The following GALNT17 variants were observed in gnomAD, a reference collection of about 807,000 sequenced individuals.
GALNT17 encodes the protein UDP-GalNAc:polypeptide N-acetylgalactosaminyltransferase-like 3.
A neutral mutation model predicts 63.7 loss-of-function variants in GALNT17; 29 were observed. The ratio of observed to expected loss-of-function variants is 0.46; its 90% CI spans 0.34 to 0.62. The LOEUF (loss-of-function observed/expected upper bound fraction) is 0.62, where lower values mean the gene tolerates loss of function less well. GALNT17 is among the 20% of genes least tolerant of loss of function. The probability of loss-of-function intolerance (pLI) is 0.01; values close to 1 mark genes in which losing one functional copy is unlikely to be tolerated. For missense variants in GALNT17, 603 were observed against 799.6 expected (o/e 0.75, Z 2.97); for synonymous variants, 305 against 318.3 (o/e 0.96, Z 0.45).
chr7:71,188,497 T>C (rs1788893758), intron 1 of GALNT17, among the ~76,000 whole-genome samples: 1 of 152,248 alleles, frequency 6.6e-6, no homozygotes, highest in South Asian at 2.1e-4. Context: ...CTGAGCATTT[T>C]TTCATATGTC....
At chr7:71,572,660 GATTTA>G (rs1334792671) in intron 6 of GALNT17, among the ~76,000 whole-genome samples, 5 of 152,122 alleles carry the variant, frequency 3.3e-5, no homozygotes, top group South Asian at 2.1e-4. Flanking sequence ...CTGGTGAGAA[GATTTA>G]ATTTAAGATC....
At chr7:71,428,793 G>T (rs1322871894) in intron 5 of GALNT17, among the ~76,000 whole-genome samples, 1 of 152,156 alleles carries the variant, frequency 6.6e-6, no homozygotes, top group South Asian at 2.1e-4. Flanking sequence ...TCCATATCTG[G>T]TTTCTGGGAT....
At chr7:71,272,787 G>A (rs576987128) in intron 1 of GALNT17, among the ~76,000 whole-genome samples, 4 of 152,214 alleles carry the variant, frequency 2.6e-5, no homozygotes, top group Admixed American at 2.6e-4. Context: ...GACATGAGGA[G>A]GCCTGAGATG....
At chr7:71,287,292 G>C (rs562507268) in intron 1 of GALNT17, among the ~76,000 whole-genome samples, 1 of 151,830 alleles carries the variant, frequency 6.6e-6, no homozygotes, top group East Asian at 2.0e-4. Flanking sequence ...GTTTTGCCCT[G>C]TTTTCTGGGC....
At chr7:71,181,807 T>C (rs1010860537) in intron 1 of GALNT17, among the ~76,000 whole-genome samples, 2 of 148,858 alleles carry the variant, frequency 1.3e-5, no homozygotes, top group South Asian at 2.2e-4. Context: ...AACCCAGGAG[T>C]TGAAGGCTAC....
At chr7:71,287,475 A>C (rs1003466153) in intron 1 of GALNT17, among the ~76,000 whole-genome samples, 1 of 151,998 alleles carries the variant, frequency 6.6e-6, no homozygotes, top group Non-Finnish European at 1.5e-5. Context: ...TCTCATAGCC[A>C]AATAGGAGTA....
At chr7:71,526,864 C>T (rs183365755) in intron 5 of GALNT17, among the ~76,000 whole-genome samples, 48 of 152,296 alleles carry the variant, frequency 3.2e-4, no homozygotes, top group South Asian at 1.7e-3. Context: ...CCAGATACAG[C>T]CTCAGCCCCT....
chr7:71,468,876 G>C (rs1035837988), intron 5 of GALNT17, among the ~76,000 whole-genome samples: 3 of 152,116 alleles, frequency 2.0e-5, no homozygotes, highest in Non-Finnish European at 4.4e-5. Context: ...TAAAAAATTT[G>C]TTAAACTCTT....
chr7:71,710,960 G>A (rs778460878), intron 10 of GALNT17, 32 bp downstream of exon 10: 3 of 1,607,178 alleles, frequency 1.9e-6, no homozygotes, highest in Non-Finnish European at 2.5e-6. Context: ...CCAGCACCCA[G>A]AGTAGCTGCA....
At chr7:71,617,329 T>G (rs986149317) in intron 6 of GALNT17, among the ~76,000 whole-genome samples, 3 of 150,276 alleles carry the variant, frequency 2.0e-5, no homozygotes, top group Admixed American at 2.0e-4. Flanking sequence ...TTGGTTTTTT[T>G]GTTTTTTTTT....
intron 1 of GALNT17, among the ~76,000 whole-genome samples, chr7:71,314,481 C>G (rs1791466144): frequency 6.6e-6 from 1 of 152,040 alleles, no homozygotes; most frequent in African/African-American, 2.4e-5. Context: ...TCAAAGGACC[C>G]AAAAAGGCCA....
chr7:71,285,971 C>G (rs374813865), intron 1 of GALNT17, among the ~76,000 whole-genome samples: 65 of 152,204 alleles, frequency 4.3e-4, no homozygotes, highest in African/African-American at 1.5e-3. Flanking sequence ...CCATCATAAA[C>G]ACATCCCATA....
rs1199624081 is a variant in GALNT17 at position 71,548,071 on chromosome 7, T to TA, written c.963-23208dup. 4.6e-4 allele frequency among the ~76,000 whole-genome samples: 70 copies of TA among 151,068 alleles called. 2 individuals carry two copies. In the South Asian group the frequency reaches 0.012, roughly 25 times the overall value. On this transcript the variant is annotated intron_variant, in intron 5 of 10. Coordinates refer to ENST00000333538, the MANE Select transcript of GALNT17 (RefSeq NM_022479.3). Reference sequence around the variant, plus strand: ...GGTGAAACCCTGTCTTTACCAAAAATAAAAAATTTTTTTTTTTAAAAATTA... The same window carrying TA: ...GGTGAAACCCTGTCTTTACCAAAAATAAAAAAATTTTTTTTTTTAAAAATTA...
In GALNT17 at chr7:71,690,110, C is replaced by T. The variant is rs986195603; in HGVS notation, c.1500+12804C>T. On this transcript the variant is annotated intron_variant, in intron 9 of 10. Coordinates refer to ENST00000333538, the MANE Select transcript of GALNT17 (RefSeq NM_022479.3). ...CGCAATCTCGGCTCACTGCAATCTC[C>T]GACTCCTGGGTTCAGGCGAGTCTCC... is the stretch of plus-strand genomic sequence containing the variant. 1.1e-4 allele frequency among the ~76,000 whole-genome samples: 17 copies of T among 151,674 alleles called. 1 individual carries two copies. The highest frequency in any genetic ancestry group is 3.9e-4 in the African/African-American group (16 of 41,258).
intron 5 of GALNT17, among the ~76,000 whole-genome samples, chr7:71,520,852 A>T (rs1288060274): frequency 6.6e-6 from 1 of 151,974 alleles, no homozygotes; most frequent in Non-Finnish European, 1.5e-5. Context: ...TCAGGAGGAG[A>T]GACTAGGAGA....
chr7:71,166,644 A>G (rs1788445808), intron 1 of GALNT17, among the ~76,000 whole-genome samples: 1 of 152,190 alleles, frequency 6.6e-6, no homozygotes, highest in Non-Finnish European at 1.5e-5. Flanking sequence ...TTCACTCTGC[A>G]TAATTGCAGT....
intron 1 of GALNT17, among the ~76,000 whole-genome samples, chr7:71,212,885 T>G (rs1403837735): frequency 2.6e-5 from 4 of 152,212 alleles, no homozygotes; most frequent in Non-Finnish European, 4.4e-5. Flanking sequence ...ACTAGCTTGC[T>G]TTTGATTTTA....
At chr7:71,338,099 G>A (rs1183919564) in intron 2 of GALNT17, among the ~76,000 whole-genome samples, 2 of 151,840 alleles carry the variant, frequency 1.3e-5, no homozygotes, top group African/African-American at 2.4e-5. Context: ...AGGCCGAGGC[G>A]GGCGGATCAC....
At chr7:71,635,329 C>T (rs1006841336) in intron 6 of GALNT17, among the ~76,000 whole-genome samples, 2 of 151,912 alleles carry the variant, frequency 1.3e-5, no homozygotes, top group Non-Finnish European at 2.9e-5. Flanking sequence ...TAAAATGTTT[C>T]TTACTAGACT....
Sources: gnomAD v4.1 joint callset for allele counts (sites outside exome capture counted in the v4.1 genomes callset) on GRCh38, gnomAD v4.1.1 for gene constraint, MANE v1.5 for transcripts, NCBI Gene and HGNC (gene_info 2026-07-23, HGNC 2026-07-21) for gene names.